ARHGAP15: variants seen among roughly 807,000 people sequenced by gnomAD.
ARHGAP15 encodes the protein rho GTPase-activating protein 15.
In ARHGAP15, 51 loss-of-function variants were observed where a neutral mutation model predicts 63.7. That is an observed-to-expected ratio of 0.80 (90% CI 0.64 to 1.01). The LOEUF is 1.01. Ranked by LOEUF, ARHGAP15 falls within the 50% of genes least tolerant of loss-of-function variation. The pLI is 0.00. For synonymous variants in ARHGAP15, 191 were observed against 193.8 expected, an observed-to-expected ratio of 0.99 and a Z score of 0.12; for missense variants, 560 against 564.6, an observed-to-expected ratio of 0.99 and a Z score of 0.08.
At chr2:143,567,840 G>A (rs1696292455) in intron 11 of ARHGAP15, among the ~76,000 whole-genome samples, 1 of 152,128 alleles carries the variant, frequency 6.6e-6, no homozygotes, top group Admixed American at 6.5e-5. Context: ...AATTACAAGT[G>A]GATGTCCTGG....
intron 6 of ARHGAP15, among the ~76,000 whole-genome samples, chr2:143,302,583 G>C (rs957447854): frequency 2.6e-5 from 4 of 151,926 alleles, no homozygotes; most frequent in African/African-American, 9.7e-5. Flanking sequence ...TGAATTTTAT[G>C]ACAAAAGTTG....
chr2:143,329,927 CAA>C (rs374076426), intron 6 of ARHGAP15, among the ~76,000 whole-genome samples: 3 of 109,202 alleles, frequency 2.7e-5, no homozygotes, highest in Non-Finnish European at 3.7e-5. Flanking sequence ...CCCATCACTA[CAA>C]AAAAAAAAAA....
intron 9 of ARHGAP15, among the ~76,000 whole-genome samples, chr2:143,502,034 G>A (rs540412535): frequency 6.6e-6 from 1 of 152,276 alleles, no homozygotes; most frequent in South Asian, 2.1e-4. Flanking sequence ...CAGGACAGAA[G>A]GTAGAAAGTA....
chr2:143,138,970 T>C (rs972950946), intron 1 of ARHGAP15, among the ~76,000 whole-genome samples: 23 of 152,244 alleles, frequency 1.5e-4, no homozygotes, highest in Admixed American at 7.9e-4. Context: ...TGTGTGTGGC[T>C]CATATTATAT....
chr2:143,710,992 G>C (rs1474539044), intron 13 of ARHGAP15, among the ~76,000 whole-genome samples: 1 of 152,136 alleles, frequency 6.6e-6, no homozygotes, highest in African/African-American at 2.4e-5. Context: ...TTCCAGACCT[G>C]AACAAAATCA....
At chr2:143,700,238 G>A (rs1259607065) in intron 12 of ARHGAP15, among the ~76,000 whole-genome samples, 1 of 152,092 alleles carries the variant, frequency 6.6e-6, no homozygotes, top group South Asian at 2.1e-4. Flanking sequence ...TTGGCTTAAC[G>A]GACTTGACTA....
At chr2:143,401,344 T>C (rs1323510769) in intron 6 of ARHGAP15, among the ~76,000 whole-genome samples, 3 of 152,028 alleles carry the variant, frequency 2.0e-5, no homozygotes, top group South Asian at 2.1e-4. Flanking sequence ...GCACTTCCAA[T>C]GCATAAAAAT....
chr2:143,272,929 T>G (rs1372258899), intron 6 of ARHGAP15, among the ~76,000 whole-genome samples: 1 of 152,190 alleles, frequency 6.6e-6, no homozygotes, highest in African/African-American at 2.4e-5. Context: ...ATGGAATTTT[T>G]TTTTATTTTT....
At chr2:143,164,200 TTAAAG>T (rs1252136170) in intron 2 of ARHGAP15, among the ~76,000 whole-genome samples, 2 of 152,056 alleles carry the variant, frequency 1.3e-5, no homozygotes, top group Non-Finnish European at 1.5e-5. Context: ...TTAGGAAGCA[TTAAAG>T]TATTTTATCC....
At chr2:143,258,771 A>AT (rs1680554718) in intron 6 of ARHGAP15, among the ~76,000 whole-genome samples, 1 of 152,164 alleles carries the variant, frequency 6.6e-6, no homozygotes, top group South Asian at 2.1e-4. Context: ...AGGTGTTCAC[A>AT]TGGAGGGTTT....
chr2:143,624,270 A>G lies in ARHGAP15; in HGVS notation c.1138+3A>G. On this transcript the variant is annotated splice_donor_region_variant and intron_variant, in intron 12 of 13. Transcript: ENST00000295095. ...TGAGCAGTTTGTGGAAGCGATCAGTAAGTACCTCACAGAAAAGGGCAGGTG... is the reference window on the plus strand; with the variant it reads ...TGAGCAGTTTGTGGAAGCGATCAGTGAGTACCTCACAGAAAAGGGCAGGTG... 1 of 1,611,684 alleles carries G rather than the reference A, an allele frequency of 6.2e-7. No homozygotes were observed. The highest frequency in any genetic ancestry group is 8.5e-7 in the Non-Finnish European group (1 of 1,178,438).
intron 6 of ARHGAP15, among the ~76,000 whole-genome samples, chr2:143,262,170 G>A (rs1249392906): frequency 6.6e-6 from 1 of 152,154 alleles, no homozygotes; most frequent in African/African-American, 2.4e-5. Context: ...AGCTGCAGCT[G>A]TAGTGACACC....
At chr2:143,466,013 A>T (rs1438482987) in intron 8 of ARHGAP15, among the ~76,000 whole-genome samples, 1 of 152,120 alleles carries the variant, frequency 6.6e-6, no homozygotes, top group Non-Finnish European at 1.5e-5. Context: ...ATGGTTTACA[A>T]TGGAGACTGA....
At chr2:143,354,386 G>A (rs1404781623) in intron 6 of ARHGAP15, among the ~76,000 whole-genome samples, 4 of 152,074 alleles carry the variant, frequency 2.6e-5, no homozygotes, top group African/African-American at 7.2e-5. Context: ...GGCTGTCTAC[G>A]AGCACACTCA....
At chr2:143,316,589 T>TTATA (rs920712147) in intron 6 of ARHGAP15, among the ~76,000 whole-genome samples, 31 of 147,574 alleles carry the variant, frequency 2.1e-4, no homozygotes, top group Admixed American at 8.2e-4. Context: ...AATATATATG[T>TTATA]TATATATATT....
chr2:143,315,345 AAATTT>A (rs1354248337), intron 6 of ARHGAP15, among the ~76,000 whole-genome samples: 10 of 152,322 alleles, frequency 6.6e-5, no homozygotes, highest in Middle Eastern at 3.4e-3. Flanking sequence ...TTCATTTAAA[AAATTT>A]AATTTTCTTA....
At chr2:143,190,231 A>G (rs908156977) in intron 2 of ARHGAP15, among the ~76,000 whole-genome samples, 1 of 152,232 alleles carries the variant, frequency 6.6e-6, no homozygotes, top group Non-Finnish European at 1.5e-5. Flanking sequence ...TTTTTAAAAG[A>G]GGCATTTAAA....
chr2:143,339,323 TA>T (rs1198562109), intron 6 of ARHGAP15, among the ~76,000 whole-genome samples: 1 of 152,060 alleles, frequency 6.6e-6, no homozygotes, highest in East Asian at 1.9e-4. Flanking sequence ...TTCTTATCTC[TA>T]AAAGGAAAGA....
chr2:143,330,314 A>T (rs926883609), intron 6 of ARHGAP15, among the ~76,000 whole-genome samples: 1 of 151,800 alleles, frequency 6.6e-6, no homozygotes, highest in Admixed American at 6.6e-5. Context: ...TGCCTAAAAA[A>T]TTTTGTAGAT....
Sources: allele counts gnomAD v4.1 joint callset (sites outside exome capture counted in the v4.1 genomes callset), GRCh38; gene constraint gnomAD v4.1.1; transcripts MANE v1.5; gene names NCBI Gene and HGNC (gene_info 2026-07-23, HGNC 2026-07-21).